Variants in CTNNA3 observed in about 807,000 individuals in gnomAD.
The protein encoded by CTNNA3 is catenin alpha 3, also known as catenin alpha-3.
In CTNNA3, 76 loss-of-function variants were observed where a neutral mutation model predicts 95.7. The ratio of observed to expected loss-of-function variants is 0.79; its 90% CI spans 0.66 to 0.96. The LOEUF (loss-of-function observed/expected upper bound fraction) is 0.96. Among genes scored for constraint, CTNNA3 ranks in the 40% least tolerant of loss-of-function variants. The probability of loss-of-function intolerance (pLI) is 0.00; values close to 1 mark genes in which losing one functional copy is unlikely to be tolerated. For synonymous variants in CTNNA3, 431 were observed against 374.4 expected (o/e 1.15, Z -1.74); for missense variants, 1,191 against 1,089.8 (o/e 1.09, Z -1.31).
At chr10:66,713,655 G>T (rs533539263) in intron 9 of CTNNA3, among the ~76,000 whole-genome samples, 5 of 152,032 alleles carry the variant, frequency 3.3e-5, no homozygotes, top group African/African-American at 7.2e-5. Context: ...GTTATGTCTG[G>T]ACTGAACTCA....
At position 66,809,642 on chromosome 10, in the gene CTNNA3, G is replaced by A. The variant is rs117001659; in HGVS notation, c.1048-34118C>T. On this transcript the variant is annotated intron_variant, in intron 7 of 17. Coordinates refer to ENST00000433211, the MANE Select transcript of CTNNA3 (RefSeq NM_013266.4). ...ATGCTGAATGATATAGAATAGTCAC[G>A]CTGATAGAAAGCATCCTTGATTTGT... Among the ~76,000 whole-genome samples, 1,306 of 152,144 alleles carry A rather than the reference G, an allele frequency of 8.6e-3. 11 individuals are homozygous for A. Among genetic ancestry groups the A allele is most frequent in the Non-Finnish European group, 0.012 (786 of 67,980 alleles).
In CTNNA3 at chr10:66,806,751, C is replaced by CAT. The variant is rs886728205; in HGVS notation, c.1048-31229_1048-31228dup. The stretch of plus-strand genomic sequence containing the variant: ...CCATCTATATTTATAGAGAATGTGG[C>CAT]ATATATGTGTGTGTGTGTGTGTGTG... On this transcript the variant is annotated intron_variant, in intron 7 of 17. Coordinates refer to ENST00000433211, the MANE Select transcript of CTNNA3 (RefSeq NM_013266.4). Among the ~76,000 whole-genome samples the CAT allele has an allele frequency of 8.8e-3, 803 of 91,740 alleles. 10 individuals are homozygous for CAT. The highest frequency in any genetic ancestry group is 0.03 in the African/African-American group (761 of 25,696). 60.2% of individuals were successfully genotyped at this position (91,740 alleles called of 152,430 possible). A position where few individuals can be genotyped will look rare whatever the true frequency, so the allele number is the denominator to read the frequency against.
At chr10:66,015,123 T>TAATAATAAA (rs2079070086) in intron 15 of CTNNA3, among the ~76,000 whole-genome samples, 5 of 150,810 alleles carry the variant, frequency 3.3e-5, no homozygotes, top group East Asian at 2.0e-4. Flanking sequence ...ATAATAATAA[T>TAATAATAAA]AAAATAAAAT....
intron 14 of CTNNA3, among the ~76,000 whole-genome samples, chr10:66,094,986 G>T (rs2081340042): frequency 6.6e-6 from 1 of 152,132 alleles, no homozygotes; most frequent in Admixed American, 6.6e-5. Flanking sequence ...CTTAAGGAAT[G>T]TAAGAGTTTG....
chr10:67,647,104 C>T (rs917552244), intron 2 of CTNNA3, among the ~76,000 whole-genome samples: 2 of 147,668 alleles, frequency 1.4e-5, no homozygotes, highest in South Asian at 2.1e-4. Context: ...TCAGTTTTCA[C>T]GATTATCAAA....
chr10:66,335,464 T>G (rs1489878355), intron 12 of CTNNA3, among the ~76,000 whole-genome samples: 2 of 152,152 alleles, frequency 1.3e-5, no homozygotes, highest in Non-Finnish European at 2.9e-5. Flanking sequence ...GACCCTCAGC[T>G]GCAGATCTGT....
intron 7 of CTNNA3, among the ~76,000 whole-genome samples, chr10:66,891,516 T>A (rs925295861): frequency 6.6e-6 from 1 of 152,184 alleles, no homozygotes; most frequent in Admixed American, 6.5e-5. Context: ...TTGTCTTCAC[T>A]GTAAGGATAA....
intron 1 of CTNNA3, among the ~76,000 whole-genome samples, chr10:67,655,032 C>T (rs1839982572): frequency 6.6e-6 from 1 of 152,182 alleles, no homozygotes; most frequent in African/African-American, 2.4e-5. Flanking sequence ...TCCCAGGTAA[C>T]TATTCTTATT....
rs115468197 is a variant in CTNNA3, at chr10:67,604,646, C to T, written c.292+2211G>A. 7.9e-3 allele frequency among the ~76,000 whole-genome samples: 1,206 copies of T among 152,174 alleles called. 22 individuals are homozygous for T. Among genetic ancestry groups the T allele is most frequent in the African/African-American group, 0.028 (1,151 of 41,500 alleles). ...GATAAAAGAATCTGTACACCAAACC[C>T]CCATGACGCCAATATGACAAACCTG... On this transcript the variant is annotated intron_variant, in intron 3 of 17. Coordinates refer to ENST00000433211, the MANE Select transcript of CTNNA3 (RefSeq NM_013266.4).
chr10:67,336,959 A>C (rs1364776230), intron 5 of CTNNA3, among the ~76,000 whole-genome samples: 1 of 152,202 alleles, frequency 6.6e-6, no homozygotes, highest in East Asian at 1.9e-4. Context: ...AAGAGCTCTG[A>C]TAGAGATATA....
intron 7 of CTNNA3, among the ~76,000 whole-genome samples, chr10:66,792,131 A>C (rs1840995891): frequency 6.6e-6 from 1 of 152,168 alleles, no homozygotes; most frequent in Admixed American, 6.6e-5. Flanking sequence ...CTCTCTAAAA[A>C]AATATAACCT....
intron 10 of CTNNA3, among the ~76,000 whole-genome samples, chr10:66,604,442 T>C (rs1039771742): frequency 2.0e-5 from 3 of 152,094 alleles, no homozygotes; most frequent in African/African-American, 4.8e-5. Context: ...CTGCAGCCGA[T>C]GAGCGTGCAC....
At chr10:67,485,957 T>C (rs1848431885) in intron 5 of CTNNA3, among the ~76,000 whole-genome samples, 1 of 152,212 alleles carries the variant, frequency 6.6e-6, no homozygotes, top group African/African-American at 2.4e-5. Flanking sequence ...GGGATATAAA[T>C]AATGCCGTAT....
intron 12 of CTNNA3, among the ~76,000 whole-genome samples, chr10:66,339,705 G>A (rs1230648855): frequency 1.3e-5 from 2 of 151,616 alleles, no homozygotes; most frequent in Admixed American, 6.6e-5. Context: ...TAGTGAAAAG[G>A]GAATTTTAAA....
At chr10:67,749,882 T>G (rs1841395292) in intron 1 of CTNNA3, among the ~76,000 whole-genome samples, 1 of 152,166 alleles carries the variant, frequency 6.6e-6, no homozygotes, top group Non-Finnish European at 1.5e-5. Context: ...AGGAGCTGGT[T>G]TTTTGAAAAA....
chr10:67,446,633 T>C (rs775390913), intron 5 of CTNNA3, among the ~76,000 whole-genome samples: 13 of 152,218 alleles, frequency 8.5e-5, no homozygotes, highest in Non-Finnish European at 1.5e-4. Flanking sequence ...GAAATGTATA[T>C]AAATCCTTTT....
intron 7 of CTNNA3, among the ~76,000 whole-genome samples, chr10:67,153,723 A>G (rs1861182990): frequency 6.6e-6 from 1 of 152,176 alleles, no homozygotes; most frequent in Non-Finnish European, 1.5e-5. Context: ...TTAATTTGCT[A>G]GCAAAACACA....
At chr10:67,323,872 T>C (rs534262636) in intron 5 of CTNNA3, among the ~76,000 whole-genome samples, 1 of 152,186 alleles carries the variant, frequency 6.6e-6, no homozygotes, top group Non-Finnish European at 1.5e-5. Context: ...GTGTAATCTC[T>C]GATTTCTTTG....
chr10:66,516,375 G>A (rs1029734615), intron 11 of CTNNA3, among the ~76,000 whole-genome samples: 8 of 152,130 alleles, frequency 5.3e-5, no homozygotes, highest in African/African-American at 9.7e-5. Flanking sequence ...CTGTTTAATG[G>A]CCATTTCTCT....
Sources: gnomAD v4.1 joint callset for allele counts (sites outside exome capture counted in the v4.1 genomes callset) on GRCh38, gnomAD v4.1.1 for gene constraint, MANE v1.5 for transcripts, NCBI Gene and HGNC (gene_info 2026-07-23, HGNC 2026-07-21) for gene names.